SLA2: variants seen among roughly 807,000 people sequenced by gnomAD.
SLA2 encodes src-like-adapter 2.
In SLA2, 22 loss-of-function variants were observed where a neutral mutation model predicts 27.3. The ratio of observed to expected loss-of-function variants is 0.81; its 90% CI spans 0.58 to 1.15. The LOEUF (loss-of-function observed/expected upper bound fraction) is 1.15, where lower values mean the gene tolerates loss of function less well. Among genes scored for constraint, SLA2 ranks in the 50% most tolerant of loss-of-function variants. The probability of loss-of-function intolerance (pLI) is 0.00; values close to 1 mark genes in which losing one functional copy is unlikely to be tolerated. For missense variants in SLA2, 304 were observed against 322.2 expected (o/e 0.94, Z 0.43); for synonymous variants, 131 against 137.8 (o/e 0.95, Z 0.34).
intron 3 of SLA2, among the ~76,000 whole-genome samples, chr20:36,634,205 C>T (rs566946549): frequency 6.6e-6 from 1 of 152,154 alleles, no homozygotes; most frequent in East Asian, 1.9e-4. Flanking sequence ...AGGCTGGTCT[C>T]GAATTCCTGA....
intron 5 of SLA2, among the ~76,000 whole-genome samples, chr20:36,629,088 T>C (rs1320842394): frequency 1.4e-5 from 2 of 147,618 alleles, no homozygotes; most frequent in South Asian, 2.1e-4. Context: ...TTTTGAGACA[T>C]AGTCTCGCTT....
At chr20:36,614,787 G>T in intron 6 of SLA2, 1 of 985,424 alleles carries the variant, frequency 1.0e-6, no homozygotes, top group South Asian at 4.7e-5. Flanking sequence ...CCCCTAATGA[G>T]TTTTCACAAG....
At position 36,613,788 on chromosome 20, in the gene SLA2, GC is replaced by G; in HGVS notation, c.*77del. On this transcript the variant is annotated 3_prime_UTR_variant, in exon 8 of 8. Transcript: ENST00000262866. Reference sequence around the variant, plus strand: ...CCTCCCTCCCTGAGTGCACAGCCTTGCCTCTGGGGTGCCCAGGAGGCTGAAT... The same window carrying G: ...CCTCCCTCCCTGAGTGCACAGCCTTGCTCTGGGGTGCCCAGGAGGCTGAAT... 1 of 510,856 alleles carries G rather than the reference GC, an allele frequency of 2.0e-6. No individual in the cohort carries two copies. The highest frequency in any genetic ancestry group is 3.2e-6 in the Non-Finnish European group (1 of 307,740). 31.6% of individuals were successfully genotyped at this position (510,856 alleles called of 1,614,324 possible). A position where few individuals can be genotyped will look rare whatever the true frequency, so the allele number is the denominator to read the frequency against.
intron 2 of SLA2, among the ~76,000 whole-genome samples, chr20:36,635,149 C>T (rs2039431908): frequency 6.6e-6 from 1 of 151,886 alleles, no homozygotes; most frequent in African/African-American, 2.4e-5. Flanking sequence ...CCCTCAGCCA[C>T]CCCAGAGGGC....
At chr20:36,625,784 G>C (rs973353461) in intron 5 of SLA2, among the ~76,000 whole-genome samples, 1 of 146,680 alleles carries the variant, frequency 6.8e-6, no homozygotes, top group Non-Finnish European at 1.5e-5. Flanking sequence ...CCATGATTGT[G>C]CCACTGCACT....
intron 5 of SLA2, among the ~76,000 whole-genome samples, chr20:36,626,995 T>C (rs571825477): frequency 6.6e-6 from 1 of 151,830 alleles, no homozygotes; most frequent in African/African-American, 2.4e-5. Context: ...AAGGCGATAG[T>C]CTGGGTAGGT....
chr20:36,639,783 C>T lies in SLA2; in HGVS notation c.91+1462G>A, dbSNP rs139037285. ...GGCTGAGGCAGGAGAATGGCGTGAA[C>T]GCAGCAGGCGGAGCTTGCAGTCAGC... On this transcript the variant is annotated intron_variant, in intron 2 of 7. Transcript: ENST00000262866. Among the ~76,000 whole-genome samples the T allele has an allele frequency of 8.6e-3, 1,295 of 151,198 alleles. 30 individuals are homozygous for T. Among genetic ancestry groups the T allele is most frequent in the East Asian group, 0.07 (356 of 5,108 alleles).
intron 2 of SLA2, among the ~76,000 whole-genome samples, chr20:36,636,619 AAAAAATATAT>A (rs1302663816): frequency 7.9e-6 from 1 of 126,920 alleles, no homozygotes; most frequent in African/African-American, 3.5e-5. Flanking sequence ...AAGAAAAAAA[AAAAAATATAT>A]ATATATATAT....
At chr20:36,629,849 A>G (rs1236168326) in intron 5 of SLA2, among the ~76,000 whole-genome samples, 1 of 152,076 alleles carries the variant, frequency 6.6e-6, no homozygotes, top group Non-Finnish European at 1.5e-5. Flanking sequence ...GAGGCATGAC[A>G]ATCACTTGAA....
At chr20:36,620,449 G>T in intron 5 of SLA2, 1 of 230,460 alleles carries the variant, frequency 4.3e-6, no homozygotes, top group South Asian at 5.6e-5. Flanking sequence ...TGAAAAGTAT[G>T]GCAAGATTAA....
chr20:36,636,623 A>AATATAT (rs57962999), intron 2 of SLA2, among the ~76,000 whole-genome samples: 105 of 114,672 alleles, frequency 9.2e-4, no homozygotes, highest in African/African-American at 3.3e-3. Context: ...AAAAAAAAAA[A>AATATAT]ATATATATAT....
chr20:36,636,427 C>CAAAAAA (rs71186007), intron 2 of SLA2, among the ~76,000 whole-genome samples: 2 of 61,434 alleles, frequency 3.3e-5, no homozygotes, highest in African/African-American at 1.4e-4. Flanking sequence ...GACTCCGTCT[C>CAAAAAA]AAAAAAAAAA....
In SLA2 at chr20:36,641,266, C is replaced by G; in HGVS notation, c.70G>C (p.Gly24Arg). ...PSLSSSVQGQ[G>R]PVTMEAERSK... Reference sequence around the variant, plus strand: ...CTACCTGCTTCCATGGTCACAGGTCCCTGGCCTTGGACAGAGGAACTCAAG... The same window carrying G: ...CTACCTGCTTCCATGGTCACAGGTCGCTGGCCTTGGACAGAGGAACTCAAG... The change falls in exon 2 of 8, where the codon GGA (glycine) becomes CGA (arginine). Residue 24 changes from glycine to arginine, a missense_variant. Physicochemically the swap from Gly to Arg is moderately radical, Grantham distance 125 (BLOSUM62 -2). Transcript: ENST00000262866. 1 of 1,614,038 alleles carries G rather than the reference C, an allele frequency of 6.2e-7. No homozygotes were observed. Among genetic ancestry groups the G allele is most frequent in the Non-Finnish European group, 8.5e-7 (1 of 1,179,934 alleles).
intron 5 of SLA2, among the ~76,000 whole-genome samples, chr20:36,624,474 A>G (rs2039317036): frequency 6.6e-6 from 1 of 152,042 alleles, no homozygotes; most frequent in Admixed American, 6.6e-5. Context: ...TTATTTGTTT[A>G]CTGTCCACCT....
intron 5 of SLA2, among the ~76,000 whole-genome samples, chr20:36,625,824 CAAAA>C (rs935601715): frequency 1.0e-4 from 5 of 50,134 alleles, no homozygotes; most frequent in African/African-American, 2.8e-4. Flanking sequence ...GAGATCCTGT[CAAAA>C]AAAAAAAAAA....
intron 2 of SLA2, among the ~76,000 whole-genome samples, chr20:36,640,025 G>A (rs115183197): frequency 0.016 from 2,357 of 151,930 alleles, 70 homozygotes; most frequent in African/African-American, 0.054. Context: ...GCCCTGGCAA[G>A]GGCCAGGCAT....
chr20:36,627,320 A>G (rs945268611), intron 5 of SLA2, among the ~76,000 whole-genome samples: 1 of 152,170 alleles, frequency 6.6e-6, no homozygotes, highest in African/African-American at 2.4e-5. Context: ...TATTCCAGTG[A>G]TGATGCTGGG....
chr20:36,614,352 T>G lies in SLA2; in HGVS notation c.618A>C (p.Leu206=). ...AGPLPGKDIP[L]PVTVQRTPLN... ...GTGGTGTCCTCTGCACAGTCACAGG[T>G]AGGGGTATATCCTTGCCAGGGAGCG... The change falls in exon 7 of 8, where the codon CTA becomes CTC. Residue 206 remains leucine (L), a synonymous_variant. Coordinates refer to ENST00000262866, the MANE Select transcript of SLA2 (RefSeq NM_032214.4). The G allele has an allele frequency of 2.5e-6, 4 of 1,614,134 alleles. No individual in the cohort carries two copies. The highest frequency in any genetic ancestry group is 3.4e-6 in the Non-Finnish European group (4 of 1,180,032).
Position 36,634,027 on chromosome 20 carries a change from G to T in SLA2, c.192-398C>A, listed in dbSNP as rs184873813. On this transcript the variant is annotated intron_variant, in intron 3 of 7. Coordinates refer to ENST00000262866, the MANE Select transcript of SLA2 (RefSeq NM_032214.4). ...TTTTTGAGACAGAGTTTTGCTCGTCGCCCAGGCTGGAGTGCAATGGCGTGA... is the reference window on the plus strand; with the variant it reads ...TTTTTGAGACAGAGTTTTGCTCGTCTCCCAGGCTGGAGTGCAATGGCGTGA... Among the ~76,000 whole-genome samples the T allele has an allele frequency of 2.2e-3, 331 of 151,546 alleles. 2 individuals carry two copies. Among genetic ancestry groups the T allele is most frequent in the African/African-American group, 7.6e-3 (312 of 41,272 alleles).
Sources: allele counts gnomAD v4.1 joint callset (sites outside exome capture counted in the v4.1 genomes callset), GRCh38; gene constraint gnomAD v4.1.1; transcripts MANE v1.5; gene names NCBI Gene and HGNC (gene_info 2026-07-23, HGNC 2026-07-21).